Variants in SWT1 observed in about 807,000 individuals in gnomAD.
SWT1 encodes the protein SWT1 RNA endoribonuclease homolog.
SWT1 carries 33 observed loss-of-function variants against 107.3 expected under a neutral mutation model. The observed-to-expected ratio is 0.31, with a 90% confidence interval of 0.23 to 0.41. The LOEUF is 0.41. Ranked by LOEUF, SWT1 falls within the 10% of genes least tolerant of loss-of-function variation. The pLI is 1.00. For missense variants in SWT1, 898 were observed against 1,028.9 expected, an observed-to-expected ratio of 0.87 and a Z score of 1.74; for synonymous variants, 345 against 348.3, an observed-to-expected ratio of 0.99 and a Z score of 0.11.
chr1:185,165,049 G>T (rs1265834588), intron 2 of SWT1, among the ~76,000 whole-genome samples: 1 of 152,126 alleles, frequency 6.6e-6, no homozygotes, highest in Non-Finnish European at 1.5e-5. Context: ...GGTCATTGTT[G>T]GGTCATTAGT....
At chr1:185,267,606 T>C (rs1168795889) in intron 16 of SWT1, among the ~76,000 whole-genome samples, 1 of 152,180 alleles carries the variant, frequency 6.6e-6, no homozygotes, top group Non-Finnish European at 1.5e-5. Context: ...CCATGTCTTA[T>C]TTTTTTAAAT....
intron 5 of SWT1, among the ~76,000 whole-genome samples, chr1:185,176,116 G>A (rs769675174): frequency 2.0e-4 from 31 of 151,638 alleles, no homozygotes; most frequent in Non-Finnish European, 4.3e-4. Flanking sequence ...ATACCGAGAC[G>A]GGTCTCAACA....
intron 15 of SWT1, chr1:185,227,395 C>T: frequency 1.4e-6 from 1 of 694,872 alleles, no homozygotes; most frequent in Non-Finnish European, 2.7e-6. Flanking sequence ...AGCAGCAGGC[C>T]AGTACAATAT....
At chr1:185,273,321 C>T (rs923620235) in intron 17 of SWT1, among the ~76,000 whole-genome samples, 2 of 151,944 alleles carry the variant, frequency 1.3e-5, no homozygotes, top group Non-Finnish European at 2.9e-5. Flanking sequence ...AGGAGAATTG[C>T]TTGGACCTGG....
At chr1:185,233,466 C>T (rs1660636879) in intron 16 of SWT1, among the ~76,000 whole-genome samples, 1 of 152,162 alleles carries the variant, frequency 6.6e-6, no homozygotes, top group African/African-American at 2.4e-5. Flanking sequence ...CTACACACTG[C>T]TTTAAATGTG....
intron 16 of SWT1, among the ~76,000 whole-genome samples, chr1:185,242,522 G>A (rs1373311581): frequency 6.6e-6 from 1 of 152,000 alleles, no homozygotes; most frequent in Admixed American, 6.6e-5. Flanking sequence ...TTATATCAGC[G>A]GAGAAATGCC....
intron 13 of SWT1, among the ~76,000 whole-genome samples, chr1:185,209,649 A>T (rs568236222): frequency 5.3e-5 from 8 of 152,308 alleles, no homozygotes; most frequent in African/African-American, 1.4e-4. Flanking sequence ...GTTGGTTCCA[A>T]GTCTTTGCTA....
chr1:185,290,652 T>A, intron 18 of SWT1, 22 bp from the exon 19 acceptor site: 1 of 1,548,286 alleles, frequency 6.5e-7, no homozygotes, highest in Non-Finnish European at 8.7e-7. Flanking sequence ...TTGCAATGAT[T>A]TAATATTTCT....
intron 17 of SWT1, among the ~76,000 whole-genome samples, chr1:185,272,853 C>T (rs1309724236): frequency 6.6e-6 from 1 of 151,834 alleles, no homozygotes; most frequent in African/African-American, 2.4e-5. Flanking sequence ...CTGGGCAACA[C>T]AGTGAGACCC....
chr1:185,234,024 G>A (rs113418486), intron 16 of SWT1, among the ~76,000 whole-genome samples: 11 of 152,144 alleles, frequency 7.2e-5, no homozygotes, highest in African/African-American at 2.7e-4. Flanking sequence ...GATTACAGGC[G>A]TGAGCCTCTG....
chr1:185,172,986 G>T (rs1208538402), intron 4 of SWT1, among the ~76,000 whole-genome samples: 1 of 147,718 alleles, frequency 6.8e-6, no homozygotes, highest in African/African-American at 2.5e-5. Context: ...GGAGGTTGTG[G>T]TGAGCCAAGA....
chr1:185,237,162 A>G (rs755276371), intron 16 of SWT1, among the ~76,000 whole-genome samples: 2 of 152,174 alleles, frequency 1.3e-5, no homozygotes, highest in Non-Finnish European at 2.9e-5. Flanking sequence ...AAGGATCTAG[A>G]TCTAGAAATA....
At chr1:185,159,194 T>G (rs1653928769) in intron 1 of SWT1, among the ~76,000 whole-genome samples, 1 of 152,230 alleles carries the variant, frequency 6.6e-6, no homozygotes, top group Non-Finnish European at 1.5e-5. Flanking sequence ...TCAGCCTTAT[T>G]CATTGTGGTA....
At chr1:185,167,498 T>A (rs558752841) in intron 3 of SWT1, among the ~76,000 whole-genome samples, 1 of 152,228 alleles carries the variant, frequency 6.6e-6, no homozygotes, top group Admixed American at 6.5e-5. Context: ...AATTATGTTT[T>A]AAGAATTTAC....
chr1:185,206,519 T>C (rs1166127441), intron 12 of SWT1, 106 bp from the exon 13 acceptor site: 1 of 573,260 alleles, frequency 1.7e-6, no homozygotes, highest in Non-Finnish European at 2.8e-6. Flanking sequence ...AGAATCCAAC[T>C]AATTATATTT....
chr1:185,219,666 A>G (rs1158406029), intron 14 of SWT1, among the ~76,000 whole-genome samples: 1 of 152,092 alleles, frequency 6.6e-6, no homozygotes, highest in African/African-American at 2.4e-5. Flanking sequence ...TCTGTTAGGT[A>G]CTTTTCCTTT....
rs1461010164 is a variant in SWT1 at position 185,276,524 on chromosome 1, A to G, written c.2509-80A>G. ...AACTAGAAATTTGAACTTTCCTCTCAGAATATGGGCTACTCTAATTTTGCT... is the reference window on the plus strand; with the variant it reads ...AACTAGAAATTTGAACTTTCCTCTCGGAATATGGGCTACTCTAATTTTGCT... On this transcript the variant is annotated intron_variant, in intron 17 of 18. Transcript: ENST00000367500. 3 of 728,462 alleles carry G rather than the reference A, an allele frequency of 4.1e-6. No homozygotes were observed. The East Asian group carries it at 8.7e-5, about 21-fold the overall frequency. 45.1% of individuals were successfully genotyped at this position (728,462 alleles called of 1,614,324 possible).
intron 10 of SWT1, among the ~76,000 whole-genome samples, chr1:185,198,097 A>G (rs1206735212): frequency 6.6e-6 from 1 of 152,170 alleles, no homozygotes; most frequent in Non-Finnish European, 1.5e-5. Context: ...TTCCCTCTAA[A>G]CACTGCTTTA....
chr1:185,171,531 A>G (rs183680090), intron 4 of SWT1: 57 of 377,706 alleles, frequency 1.5e-4, no homozygotes, highest in East Asian at 9.0e-4. Context: ...TTTGATCACA[A>G]CCCCTCCAAT....
Sources: allele counts gnomAD v4.1 joint callset (sites outside exome capture counted in the v4.1 genomes callset), GRCh38; gene constraint gnomAD v4.1.1; transcripts MANE v1.5; gene names NCBI Gene and HGNC (gene_info 2026-07-23, HGNC 2026-07-21).